The following ASIC2 variants were observed in gnomAD, a reference collection of about 807,000 sequenced individuals.
ASIC2 encodes acid-sensing ion channel 2.
ASIC2 carries 25 observed loss-of-function variants against 57.3 expected under a neutral mutation model. The observed-to-expected ratio is 0.44, with a 90% confidence interval of 0.32 to 0.61. The LOEUF is 0.61. Ranked by LOEUF, ASIC2 falls within the 20% of genes least tolerant of loss-of-function variation. The pLI, the probability that ASIC2 is intolerant of heterozygous loss-of-function variation, is 0.06. For synonymous variants in ASIC2, 319 were observed against 307.5 expected (o/e 1.04, Z -0.39); for missense variants, 641 against 738.1 (o/e 0.87, Z 1.52).
chr17:34,025,311 C>G (rs961460060), intron 1 of ASIC2, among the ~76,000 whole-genome samples: 2 of 152,098 alleles, frequency 1.3e-5, no homozygotes, highest in Non-Finnish European at 2.9e-5. Flanking sequence ...TTAGTTCCAT[C>G]AACATTTACT....
chr17:33,167,661 C>T (rs1010405886), intron 1 of ASIC2, among the ~76,000 whole-genome samples: 5 of 152,224 alleles, frequency 3.3e-5, no homozygotes, highest in African/African-American at 1.2e-4. Flanking sequence ...CTCATTCTGG[C>T]ATTCAAGGTC....
At chr17:33,472,452 A>T (rs1035013493) in intron 1 of ASIC2, among the ~76,000 whole-genome samples, 5 of 152,200 alleles carry the variant, frequency 3.3e-5, no homozygotes, top group African/African-American at 1.2e-4. Context: ...ACAGGGGAGG[A>T]TGCACATGCT....
intron 1 of ASIC2, among the ~76,000 whole-genome samples, chr17:33,644,384 A>G (rs746911933): frequency 6.6e-6 from 1 of 151,990 alleles, no homozygotes; most frequent in African/African-American, 2.4e-5. Flanking sequence ...CTCTTTTATC[A>G]GTGTTCTCTG....
intron 1 of ASIC2, among the ~76,000 whole-genome samples, chr17:33,306,346 C>T (rs1256353249): frequency 6.6e-6 from 1 of 152,086 alleles, no homozygotes; most frequent in Non-Finnish European, 1.5e-5. Context: ...TGTTTTTTCC[C>T]CCTAGCCTGT....
intron 1 of ASIC2, among the ~76,000 whole-genome samples, chr17:33,346,143 C>T (rs1447373278): frequency 7.2e-6 from 1 of 138,508 alleles, no homozygotes; most frequent in African/African-American, 2.7e-5. Context: ...ACTAGAATTG[C>T]TTGAACCTGG....
chr17:33,854,157 T>C (rs317415), intron 1 of ASIC2, among the ~76,000 whole-genome samples: 17,508 of 152,218 alleles, frequency 0.12, 1,559 homozygotes, highest in East Asian at 0.48. Context: ...AGGAGGCACA[T>C]TTCTTTGCTA....
intron 1 of ASIC2, among the ~76,000 whole-genome samples, chr17:33,457,733 G>C (rs908466540): frequency 1.3e-5 from 2 of 152,148 alleles, no homozygotes; most frequent in Non-Finnish European, 2.9e-5. Flanking sequence ...TACAAGACAG[G>C]TGCTGGCCAA....
At chr17:33,811,068 G>C (rs1442304891) in intron 1 of ASIC2, among the ~76,000 whole-genome samples, 1 of 152,230 alleles carries the variant, frequency 6.6e-6, no homozygotes, top group Admixed American at 6.5e-5. Context: ...TGAAAGGGGA[G>C]AGATTCACAG....
At chr17:33,882,701 T>C (rs1387439163) in intron 1 of ASIC2, among the ~76,000 whole-genome samples, 4 of 152,180 alleles carry the variant, frequency 2.6e-5, no homozygotes, top group African/African-American at 9.7e-5. Flanking sequence ...GACAGTGTGG[T>C]GATTCCTCAG....
In ASIC2 at chr17:33,292,154, G is replaced by C; in HGVS notation, c.-39C>G. 9.7e-7 allele frequency: 1 copy of C among 1,025,738 alleles called. No individual in the cohort carries two copies. Among genetic ancestry groups the C allele is most frequent in the Non-Finnish European group, 1.2e-6 (1 of 858,454 alleles). 63.5% of individuals were successfully genotyped at this position (1,025,738 alleles called of 1,614,324 possible). A position where few individuals can be genotyped will look rare whatever the true frequency, so the allele number is the denominator to read the frequency against. On this transcript the variant is annotated 5_prime_UTR_variant, in exon 1 of 10. Transcript: ENST00000225823. The stretch of plus-strand genomic sequence containing the variant: ...GGCTGGCGGCAGCGGCGGCGGCCCC[G>C]GCCGGGCGGAGCCGCCATGGGAGTC...
intron 1 of ASIC2, among the ~76,000 whole-genome samples, chr17:33,728,851 C>T (rs575871197): frequency 6.6e-6 from 1 of 152,096 alleles, no homozygotes; most frequent in Non-Finnish European, 1.5e-5. Flanking sequence ...TACAGAGGAG[C>T]CAGGGAGGGT....
rs368350289 is a variant in ASIC2, at chr17:33,102,933, A to G, written c.859+8984T>C. Among the ~76,000 whole-genome samples, 1,005 of 152,040 alleles carry G rather than the reference A, an allele frequency of 6.6e-3. 13 individuals are homozygous for G. The highest frequency in any genetic ancestry group is 0.029 in the East Asian group (148 of 5,164). On this transcript the variant is annotated intron_variant, in intron 2 of 9. Transcript: ENST00000225823. ...CGAGTAGCTGGGGCTACAGGCGCCC[A>G]CCACCACGCCCGGCTAATTTTTTGT...
At chr17:33,773,562 C>T (rs1275681824) in intron 1 of ASIC2, among the ~76,000 whole-genome samples, 1 of 152,066 alleles carries the variant, frequency 6.6e-6, no homozygotes, top group Non-Finnish European at 1.5e-5. Flanking sequence ...GGAATTGTAC[C>T]ACACTGAGAA....
Position 33,125,391 on chromosome 17 carries a change from T to C in ASIC2, c.709-13324A>G, listed in dbSNP as rs2092319292. On this transcript the variant is annotated intron_variant, in intron 1 of 9. Coordinates refer to ENST00000225823, the MANE Select transcript of ASIC2 (RefSeq NM_183377.2). ...ATCCTCATGCCTTACTGTCTCATCC[T>C]GGGAGACTAGAATCCCAGGGGAGTG... Among the ~76,000 whole-genome samples the C allele has an allele frequency of 2.0e-5, 3 of 152,250 alleles. No individual in the cohort carries two copies. The South Asian group carries it at 6.2e-4, about 32-fold the overall frequency.
rs1466544265 is a variant in ASIC2, at chr17:34,048,193, G to A, written c.555+107785C>T. On this transcript the variant is annotated intron_variant, in intron 1 of 9. Transcript: ENST00000359872. Reference sequence around the variant, plus strand: ...GTGTTCTGAGTTCTCTCACTTCTAGGATACATCTTCTTCATTCTCTTAGCT... The same window carrying A: ...GTGTTCTGAGTTCTCTCACTTCTAGAATACATCTTCTTCATTCTCTTAGCT... Among the ~76,000 whole-genome samples the A allele has an allele frequency of 1.3e-5, 2 of 152,134 alleles. 1 individual carries two copies. The highest frequency in any genetic ancestry group is 4.8e-5 in the African/African-American group (2 of 41,434).
chr17:33,747,477 C>A (rs1251288179), intron 1 of ASIC2, among the ~76,000 whole-genome samples: 2 of 152,094 alleles, frequency 1.3e-5, no homozygotes, highest in African/African-American at 4.8e-5. Flanking sequence ...CCTGCCTCGG[C>A]CTCTCAAAGT....
chr17:33,211,381 A>G (rs1056107506), intron 1 of ASIC2, among the ~76,000 whole-genome samples: 6 of 152,164 alleles, frequency 3.9e-5, no homozygotes, highest in African/African-American at 1.4e-4. Context: ...ATGGGCACTC[A>G]GGACTCCTCC....
At chr17:33,778,203 A>G (rs1016952379) in intron 1 of ASIC2, among the ~76,000 whole-genome samples, 1 of 152,134 alleles carries the variant, frequency 6.6e-6, no homozygotes, top group Non-Finnish European at 1.5e-5. Flanking sequence ...AAGAGTTTGG[A>G]GATCCTCTGT....
intron 1 of ASIC2, among the ~76,000 whole-genome samples, chr17:33,579,792 ACCGTGAAAAACAC>A (rs1555545304): frequency 2.6e-5 from 4 of 152,112 alleles, no homozygotes; most frequent in Non-Finnish European, 2.9e-5. Context: ...AAACTACCAC[ACCGTGAAAAACAC>A]CCCTTGGATT....
Sources: allele counts gnomAD v4.1 joint callset (sites outside exome capture counted in the v4.1 genomes callset), GRCh38; gene constraint gnomAD v4.1.1; transcripts MANE v1.5; gene names NCBI Gene and HGNC (gene_info 2026-07-23, HGNC 2026-07-21).